The following TUSC3 variants were observed in gnomAD, a reference collection of about 807,000 sequenced individuals.
The protein encoded by TUSC3 is dolichyl-diphosphooligosaccharide--protein glycosyltransferase subunit TUSC3.
In TUSC3, 45 loss-of-function variants were observed where a neutral mutation model predicts 44.8. The observed-to-expected ratio is 1.00, with a 90% confidence interval of 0.79 to 1.29. The LOEUF (loss-of-function observed/expected upper bound fraction) is 1.29. Among genes scored for constraint, TUSC3 ranks in the 50% most tolerant of loss-of-function variants. The pLI, the probability that TUSC3 is intolerant of heterozygous loss-of-function variation, is 0.00. For synonymous variants in TUSC3, 212 were observed against 152.9 expected, an observed-to-expected ratio of 1.39 and a Z score of -2.85; for missense variants, 519 against 437.9, an observed-to-expected ratio of 1.19 and a Z score of -1.65.
At chr8:15,678,717 G>T (rs1808292451) in intron 6 of TUSC3, among the ~76,000 whole-genome samples, 2 of 152,124 alleles carry the variant, frequency 1.3e-5, no homozygotes, top group South Asian at 4.1e-4. Flanking sequence ...GTGATGCTGA[G>T]GACTGGGCAT....
At chr8:15,488,204 AT>A (rs1800759065) in intron 2 of TUSC3, among the ~76,000 whole-genome samples, 3 of 152,120 alleles carry the variant, frequency 2.0e-5, no homozygotes, top group African/African-American at 7.2e-5. Context: ...ACACTTATTT[AT>A]CTCTAAAGTG....
At chr8:15,504,196 G>A (rs914978402) in intron 2 of TUSC3, among the ~76,000 whole-genome samples, 2 of 151,986 alleles carry the variant, frequency 1.3e-5, no homozygotes, top group East Asian at 1.9e-4. Context: ...TTCAAATGCT[G>A]GTTCTGTCAC....
At chr8:15,778,918 A>G in the TUSC3 span, among the ~76,000 whole-genome samples, 2 of 152,150 alleles carry the variant, frequency 1.3e-5, no homozygotes, top group African/African-American at 4.8e-5. Flanking sequence ...TTCTGAGTTT[A>G]CGTTAATTAT....
intron 1 of TUSC3, among the ~76,000 whole-genome samples, chr8:15,609,311 A>G (rs1282864446): frequency 1.3e-5 from 2 of 152,172 alleles, no homozygotes; most frequent in South Asian, 2.1e-4. Context: ...TTATGATATA[A>G]TGTATTACTA....
intron 1 of TUSC3, among the ~76,000 whole-genome samples, chr8:15,425,288 T>G (rs1397772715): frequency 6.6e-6 from 1 of 152,228 alleles, no homozygotes; most frequent in Non-Finnish European, 1.5e-5. Context: ...ATAAATTGGT[T>G]GTGTTGCCAA....
At chr8:15,632,692 A>G (rs1427304132) in intron 2 of TUSC3, among the ~76,000 whole-genome samples, 1 of 152,222 alleles carries the variant, frequency 6.6e-6, no homozygotes, top group Non-Finnish European at 1.5e-5. Context: ...GATTTCTTCT[A>G]CATTAATTAG....
At chr8:15,722,444 T>C (rs1008095828) in intron 6 of TUSC3, among the ~76,000 whole-genome samples, 11 of 152,154 alleles carry the variant, frequency 7.2e-5, no homozygotes, top group African/African-American at 2.4e-4. Context: ...ATCTAGTCTC[T>C]GGTTAGGAGC....
chr8:15,664,437 TTTATTATTATTA>T (rs56049201), intron 5 of TUSC3, among the ~76,000 whole-genome samples: 40,777 of 143,736 alleles, frequency 0.28, 6,144 homozygotes, highest in Non-Finnish European at 0.34. Flanking sequence ...GTTATACAGA[TTTATTATTATTA>T]TTATTATTAT....
chr8:15,546,871 G>C (rs1801886909), intron 1 of TUSC3, among the ~76,000 whole-genome samples: 1 of 151,474 alleles, frequency 6.6e-6, no homozygotes, highest in South Asian at 2.1e-4. Context: ...GTTGGTATCT[G>C]TTTGCCTGCC....
At chr8:15,817,882 T>C in the TUSC3 span, among the ~76,000 whole-genome samples, 3 of 152,086 alleles carry the variant, frequency 2.0e-5, no homozygotes, top group East Asian at 1.9e-4. Flanking sequence ...CTAAAGTGAA[T>C]TGGGGCAAGA....
the TUSC3 span, among the ~76,000 whole-genome samples, chr8:15,779,878 G>A: frequency 6.6e-6 from 1 of 152,138 alleles, no homozygotes; most frequent in African/African-American, 2.4e-5. Context: ...TATAGTCTGT[G>A]TCATACTTAA....
At chr8:15,592,344 T>A (rs761693529) in intron 1 of TUSC3, among the ~76,000 whole-genome samples, 10 of 152,232 alleles carry the variant, frequency 6.6e-5, no homozygotes, top group Non-Finnish European at 1.2e-4. Context: ...TAGCACTTGA[T>A]ACGGTTTGGA....
At chr8:15,598,115 CAG>C (rs1035141428) in intron 1 of TUSC3, among the ~76,000 whole-genome samples, 1 of 151,870 alleles carries the variant, frequency 6.6e-6, no homozygotes, top group African/African-American at 2.4e-5. Flanking sequence ...TGGTTGAAAG[CAG>C]AGTTTGCAGA....
upstream of TUSC3, among the ~76,000 whole-genome samples, chr8:15,536,543 G>C (rs1246932510): frequency 2.0e-5 from 3 of 151,562 alleles, no homozygotes; most frequent in Non-Finnish European, 4.4e-5. Flanking sequence ...TTAGCCGGGC[G>C]TGGTGGCGGG....
At chr8:15,468,890 A>C (rs1462692874) in intron 1 of TUSC3, among the ~76,000 whole-genome samples, 2 of 151,972 alleles carry the variant, frequency 1.3e-5, no homozygotes, top group Non-Finnish European at 2.9e-5. Flanking sequence ...AAAAAGGAAT[A>C]ATCTGAGTTA....
At chr8:15,652,679 G>A (rs1185313433) in intron 3 of TUSC3, among the ~76,000 whole-genome samples, 1 of 152,104 alleles carries the variant, frequency 6.6e-6, no homozygotes. Flanking sequence ...TTTCATATAA[G>A]TAATAGATCT....
chr8:15,430,791 C>T (rs897573866), intron 1 of TUSC3, among the ~76,000 whole-genome samples: 2 of 151,720 alleles, frequency 1.3e-5, no homozygotes, highest in Non-Finnish European at 2.9e-5. Flanking sequence ...TCTCAGGCTA[C>T]AAAACCAATG....
chr8:15,743,398 T>C, intron 7 of TUSC3, 140 bp from the exon 8 acceptor site: 1 of 838,166 alleles, frequency 1.2e-6, no homozygotes, highest in South Asian at 1.5e-5. Context: ...GGTAATTTTA[T>C]GTTATATAAA....
chr8:15,845,442 T>G, the TUSC3 span, among the ~76,000 whole-genome samples: 3 of 152,074 alleles, frequency 2.0e-5, no homozygotes, highest in African/African-American at 4.8e-5. Context: ...AGGGAGAGAG[T>G]GACCAAATTA....
Sources: gnomAD v4.1 joint callset for allele counts (sites outside exome capture counted in the v4.1 genomes callset) on GRCh38, gnomAD v4.1.1 for gene constraint, MANE v1.5 for transcripts, NCBI Gene and HGNC (gene_info 2026-07-23, HGNC 2026-07-21) for gene names.